Variants in RTTN observed in about 807,000 individuals in gnomAD.
The protein encoded by RTTN is rotatin.
In RTTN, 182 loss-of-function variants were observed where a neutral mutation model predicts 269.2. The ratio of observed to expected loss-of-function variants is 0.68; its 90% confidence interval spans 0.60 to 0.76. The LOEUF (loss-of-function observed/expected upper bound fraction) is 0.76, where lower values mean the gene tolerates loss of function less well. RTTN is among the 30% of genes least tolerant of loss of function. The pLI, the probability that RTTN is intolerant of heterozygous loss-of-function variation, is 0.00. For synonymous variants in RTTN, 1,006 were observed against 963.5 expected (o/e 1.04, Z -0.82); for missense variants, 2,545 against 2,608.6 (o/e 0.98, Z 0.53).
chr18:70,203,464 G>C (rs889380222), intron 3 of RTTN, among the ~76,000 whole-genome samples: 2 of 152,186 alleles, frequency 1.3e-5, no homozygotes, highest in African/African-American at 4.8e-5. Flanking sequence ...AAAGTGCCGG[G>C]ATTACAGGCG....
intron 5 of RTTN, 66 bp downstream of exon 5, chr18:70,199,348 T>C: frequency 1.9e-6 from 2 of 1,038,442 alleles, no homozygotes; most frequent in Non-Finnish European, 3.0e-6. Context: ...AAACATATTG[T>C]AATAACTATC....
intron 37 of RTTN, among the ~76,000 whole-genome samples, chr18:70,057,188 A>G (rs1372798700): frequency 6.6e-6 from 1 of 152,260 alleles, no homozygotes; most frequent in African/African-American, 2.4e-5. Flanking sequence ...GCCCTTCTTA[A>G]AATTTGATTT....
In RTTN at chr18:70,030,871, C is replaced by T; in HGVS notation, c.5647+5G>A. 2 of 1,604,598 alleles carry T rather than the reference C, an allele frequency of 1.2e-6. No homozygotes were observed. Among genetic ancestry groups the T allele is most frequent in the Non-Finnish European group, 1.7e-6 (2 of 1,173,830 alleles). On this transcript the variant is annotated splice_donor_5th_base_variant and intron_variant, in intron 41 of 48. Coordinates refer to ENST00000640769, the MANE Select transcript of RTTN (RefSeq NM_173630.4). ...TCAAAACAGCTGATGTGTCATGTGGCTCACCTTTCAAAGCATGTTTCTGTG... is the reference window on the plus strand; with the variant it reads ...TCAAAACAGCTGATGTGTCATGTGGTTCACCTTTCAAAGCATGTTTCTGTG...
At chr18:70,078,731 G>C (rs1038296746) in intron 32 of RTTN, among the ~76,000 whole-genome samples, 1 of 151,998 alleles carries the variant, frequency 6.6e-6, no homozygotes, top group Non-Finnish European at 1.5e-5. Context: ...TCAACTTTTA[G>C]AAGCAACCTA....
chr18:70,012,240 A>C (rs1284671477), intron 46 of RTTN, among the ~76,000 whole-genome samples: 4 of 114,568 alleles, frequency 3.5e-5, no homozygotes, highest in Non-Finnish European at 5.3e-5. Flanking sequence ...TAGTTACAGC[A>C]CAGTGTCTGT....
intron 30 of RTTN, among the ~76,000 whole-genome samples, chr18:70,089,205 A>G: frequency 6.6e-6 from 1 of 152,218 alleles, no homozygotes; most frequent in East Asian, 1.9e-4. Flanking sequence ...ATTTGGAGAC[A>G]GAGCTATTAG....
chr18:70,096,735 C>G (rs1448273577), intron 28 of RTTN, among the ~76,000 whole-genome samples: 1 of 152,172 alleles, frequency 6.6e-6, no homozygotes, highest in African/African-American at 2.4e-5. Flanking sequence ...TCTGTCAACC[C>G]CTGCTGGGAG....
chr18:70,053,411 T>A (rs1432304865), intron 38 of RTTN: 1 of 152,208 alleles, frequency 6.6e-6, no homozygotes, highest in Non-Finnish European at 1.5e-5. Context: ...ACTTGTTGAA[T>A]TTCTAAGGAA....
At chr18:70,125,668 T>C (rs1832695928) in intron 25 of RTTN, among the ~76,000 whole-genome samples, 1 of 152,158 alleles carries the variant, frequency 6.6e-6, no homozygotes, top group South Asian at 2.1e-4. Context: ...ACTAAGCTTA[T>C]AAAAATGTTC....
chr18:70,062,249 A>AT (rs1347830508), intron 35 of RTTN, among the ~76,000 whole-genome samples: 1 of 151,972 alleles, frequency 6.6e-6, no homozygotes, highest in Non-Finnish European at 1.5e-5. Flanking sequence ...TGTTGATTTT[A>AT]TTTTTTTCAG....
chr18:70,006,760 A>T (rs555484024), intron 46 of RTTN: 7 of 341,442 alleles, frequency 2.1e-5, no homozygotes, highest in South Asian at 1.9e-4. Flanking sequence ...TTTAAAGACC[A>T]CAAGTGTGTA....
chr18:70,114,315 C>G (rs956908186), intron 27 of RTTN, 130 bp downstream of exon 27: 1 of 897,110 alleles, frequency 1.1e-6, no homozygotes, highest in Admixed American at 2.7e-5. Flanking sequence ...AACACTATAA[C>G]TGATTATTAT....
At chr18:70,048,391 C>T (rs2057554223) in intron 39 of RTTN, among the ~76,000 whole-genome samples, 1 of 152,172 alleles carries the variant, frequency 6.6e-6, no homozygotes, top group Non-Finnish European at 1.5e-5. Flanking sequence ...AATGTACAAA[C>T]AAATATTTCA....
intron 10 of RTTN, among the ~76,000 whole-genome samples, chr18:70,180,332 T>C (rs2061395056): frequency 1.3e-5 from 2 of 151,700 alleles, no homozygotes; most frequent in Admixed American, 1.3e-4. Flanking sequence ...CAGTCTCTGC[T>C]AAAAATACAA....
intron 19 of RTTN, 111 bp downstream of exon 19, chr18:70,142,177 C>A: frequency 1.5e-6 from 1 of 665,752 alleles, no homozygotes; most frequent in Non-Finnish European, 2.6e-6. Flanking sequence ...AAAAAGGCCA[C>A]AGGCTGGATC....
At chr18:70,162,628 T>C (rs2060862086) in intron 14 of RTTN, among the ~76,000 whole-genome samples, 1 of 152,060 alleles carries the variant, frequency 6.6e-6, no homozygotes, top group South Asian at 2.1e-4. Context: ...TGGGGGAAAC[T>C]GCCCCCATGA....
At chr18:70,124,773 G>A (rs2059822272) in intron 25 of RTTN, among the ~76,000 whole-genome samples, 1 of 152,056 alleles carries the variant, frequency 6.6e-6, no homozygotes. Context: ...ATGTATTTCA[G>A]AAGGATCATT....
At position 70,205,134 on chromosome 18, in the gene RTTN, C is replaced by A; in HGVS notation, c.213G>T (p.Leu71Phe). The A allele has an allele frequency of 6.2e-7, 1 of 1,614,110 alleles. No individual in the cohort carries two copies. The highest frequency in any genetic ancestry group is 1.1e-5 in the South Asian group (1 of 91,056). ...TATTTCAAAATGACCCTACCTTAAC[C>A]AATCTGCTTAACAGGTTCAGAACCT... is the stretch of plus-strand genomic sequence containing the variant. ...KEEVLNLLSR[L>F]VKYPPAVQHL... The change falls in exon 2 of 49, where the codon TTG becomes TTT. Residue 71 changes from leucine (L) to phenylalanine (F), a missense_variant. Leu to Phe is a conservative substitution (Grantham distance 22). Coordinates refer to ENST00000640769, the MANE Select transcript of RTTN (RefSeq NM_173630.4).
chr18:70,201,500 T>C (rs1393236837), intron 4 of RTTN, among the ~76,000 whole-genome samples: 132 of 139,632 alleles, frequency 9.5e-4, no homozygotes, highest in Middle Eastern at 8.7e-3. Context: ...CCCAGCTACT[T>C]GGGAGGCTGA....
Sources: allele counts gnomAD v4.1 joint callset (sites outside exome capture counted in the v4.1 genomes callset), GRCh38; gene constraint gnomAD v4.1.1; transcripts MANE v1.5; gene names NCBI Gene and HGNC (gene_info 2026-07-23, HGNC 2026-07-21).